The following PCDH15 variants were observed in gnomAD, a reference collection of about 807,000 sequenced individuals.
PCDH15 encodes the protein protocadherin related 15.
A neutral mutation model predicts 178.5 loss-of-function variants in PCDH15; 129 were observed. That is an observed-to-expected ratio of 0.72 (90% CI 0.63 to 0.84). The LOEUF (loss-of-function observed/expected upper bound fraction) is 0.84, where lower values mean the gene tolerates loss of function less well. Among genes scored for constraint, PCDH15 ranks in the 40% least tolerant of loss-of-function variants. PCDH15 has a pLI of 0.00. For synonymous variants in PCDH15, 800 were observed against 732.0 expected, an observed-to-expected ratio of 1.09 and a Z score of -1.50; for missense variants, 2,230 against 2,099.9, an observed-to-expected ratio of 1.06 and a Z score of -1.21.
intron 3 of PCDH15, among the ~76,000 whole-genome samples, chr10:54,461,035 A>G (rs759141190): frequency 1.3e-5 from 2 of 152,084 alleles, no homozygotes; most frequent in Non-Finnish European, 2.9e-5. Flanking sequence ...CATTTAAATG[A>G]TACTAGATTA....
chr10:55,467,966 C>CAAAAAAAAAAAAAAAAAA lies in PCDH15; in HGVS notation c.-156+159641_-156+159658dup, dbSNP rs71463104. Among the ~76,000 whole-genome samples the CAAAAAAAAAAAAAAAAAA allele has an allele frequency of 2.2e-3, 80 of 36,626 alleles. 4 individuals are homozygous for CAAAAAAAAAAAAAAAAAA. The highest frequency in any genetic ancestry group is 7.6e-3 in the African/African-American group (50 of 6,588). The allele number at this position is 36,626 out of a possible 152,430, so 24.0% of individuals were successfully genotyped here. On this transcript the variant is annotated intron_variant, in intron 2 of 5. Transcript: ENST00000613346. ...TGGGCGATAGAGCCAGACTCCGTCT[C>CAAAAAAAAAAAAAAAAAA]AAAAAAAAAAAAAAAAAAAAAAAAA...
At chr10:55,102,667 T>TGAG (rs1272714960) in intron 2 of PCDH15, among the ~76,000 whole-genome samples, 1 of 152,074 alleles carries the variant, frequency 6.6e-6, no homozygotes, top group Non-Finnish European at 1.5e-5. Flanking sequence ...AGTTGACACT[T>TGAG]GAGCAATGCA....
intron 3 of PCDH15, among the ~76,000 whole-genome samples, chr10:54,383,858 G>A (rs747687616): frequency 4.7e-4 from 72 of 151,832 alleles, no homozygotes; most frequent in Non-Finnish European, 8.1e-4. Flanking sequence ...TTGCTCTGTT[G>A]CCCAGGCTGG....
chr10:54,140,267 A>C (rs535101616), intron 14 of PCDH15, among the ~76,000 whole-genome samples: 1 of 152,210 alleles, frequency 6.6e-6, no homozygotes, highest in East Asian at 1.9e-4. Flanking sequence ...TATATTTGCT[A>C]TTCTGCATCA....
At chr10:54,788,192 G>C (rs1007599716) in intron 1 of PCDH15, among the ~76,000 whole-genome samples, 11 of 151,804 alleles carry the variant, frequency 7.2e-5, no homozygotes, top group African/African-American at 2.7e-4. Context: ...GAAACAAACA[G>C]GGATAAAACA....
chr10:55,040,250 T>C (rs1840832519), intron 2 of PCDH15, among the ~76,000 whole-genome samples: 1 of 152,062 alleles, frequency 6.6e-6, no homozygotes, highest in Non-Finnish European at 1.5e-5. Context: ...GAATTTCACA[T>C]GTAACTGAAG....
At chr10:55,010,367 A>C (rs1013515644) in intron 2 of PCDH15, among the ~76,000 whole-genome samples, 1 of 152,158 alleles carries the variant, frequency 6.6e-6, no homozygotes, top group Non-Finnish European at 1.5e-5. Context: ...GAGCTCATGG[A>C]AATTCCTTTC....
At chr10:54,026,064 A>C (rs967304975) in intron 18 of PCDH15, among the ~76,000 whole-genome samples, 1 of 149,592 alleles carries the variant, frequency 6.7e-6, no homozygotes, top group Admixed American at 6.8e-5. Flanking sequence ...TCTATATTTT[A>C]GGATGGGATT....
intron 1 of PCDH15, among the ~76,000 whole-genome samples, chr10:54,717,416 A>T (rs2095494120): frequency 7.1e-6 from 1 of 141,432 alleles, no homozygotes; most frequent in South Asian, 2.2e-4. Context: ...ATTTACAAGA[A>T]AAAAACAAAC....
At chr10:54,303,919 C>T (rs2060301675) in intron 8 of PCDH15, among the ~76,000 whole-genome samples, 1 of 152,080 alleles carries the variant, frequency 6.6e-6, no homozygotes, top group Non-Finnish European at 1.5e-5. Flanking sequence ...CTACATTTCT[C>T]CTTTTTGTTC....
At chr10:55,535,505 C>A (rs2132068445) in intron 2 of PCDH15, among the ~76,000 whole-genome samples, 1 of 152,048 alleles carries the variant, frequency 6.6e-6, no homozygotes, top group African/African-American at 2.4e-5. Context: ...ATGTACAAGA[C>A]AATATTAAAC....
chr10:54,408,169 A>ATT (rs1200283673), intron 3 of PCDH15, among the ~76,000 whole-genome samples: 4 of 151,422 alleles, frequency 2.6e-5, no homozygotes, highest in African/African-American at 9.7e-5. Context: ...GTTTTTTTAA[A>ATT]AAAAAAAAAT....
intron 2 of PCDH15, among the ~76,000 whole-genome samples, chr10:55,609,040 A>ACG: frequency 6.6e-6 from 1 of 151,752 alleles, no homozygotes; most frequent in South Asian, 2.1e-4. Context: ...ACACACACAC[A>ACG]CACACGCACA....
intron 1 of PCDH15, among the ~76,000 whole-genome samples, chr10:55,269,676 G>T (rs1842389677): frequency 6.6e-6 from 1 of 152,204 alleles, no homozygotes; most frequent in Admixed American, 6.5e-5. Flanking sequence ...TGGATTGGAA[G>T]AATTAATATT....
At chr10:54,886,497 C>A (rs747705131) in intron 3 of PCDH15, among the ~76,000 whole-genome samples, 20 of 152,220 alleles carry the variant, frequency 1.3e-4, no homozygotes, top group Non-Finnish European at 2.2e-4. Flanking sequence ...CGCAGTGGCT[C>A]ATGCCTGTAA....
chr10:53,988,067 C>A (rs777963265), intron 21 of PCDH15, among the ~76,000 whole-genome samples: 18 of 152,298 alleles, frequency 1.2e-4, no homozygotes, highest in Admixed American at 8.5e-4. Flanking sequence ...ATATTTTCTG[C>A]CCGATCCATC....
intron 1 of PCDH15, among the ~76,000 whole-genome samples, chr10:55,313,970 C>A (rs934968502): frequency 6.6e-6 from 1 of 151,922 alleles, no homozygotes; most frequent in Non-Finnish European, 1.5e-5. Context: ...CTTGTGGGAA[C>A]TTTTTCACAA....
chr10:54,957,694 G>T (rs1838524616), intron 2 of PCDH15, among the ~76,000 whole-genome samples: 1 of 151,438 alleles, frequency 6.6e-6, no homozygotes, highest in South Asian at 2.1e-4. Flanking sequence ...CAAAATGAAG[G>T]AATGTATTTG....
At chr10:54,402,873 C>A (rs1406718222) in intron 3 of PCDH15, among the ~76,000 whole-genome samples, 3 of 151,912 alleles carry the variant, frequency 2.0e-5, no homozygotes, top group Non-Finnish European at 4.4e-5. Context: ...CAATTAATAA[C>A]CCTACAATGG....
Sources: gnomAD v4.1 joint callset for allele counts (sites outside exome capture counted in the v4.1 genomes callset) on GRCh38, gnomAD v4.1.1 for gene constraint, MANE v1.5 for transcripts, NCBI Gene and HGNC (gene_info 2026-07-23, HGNC 2026-07-21) for gene names.